Variants in YBEY observed in about 807,000 individuals in gnomAD.
YBEY encodes endoribonuclease YbeY.
In YBEY, 15 loss-of-function variants were observed where a neutral mutation model predicts 13.5. The ratio of observed to expected loss-of-function variants is 1.11; its 90% CI spans 0.75 to 1.72. YBEY has a LOEUF of 1.72. YBEY is among the 40% of genes most tolerant of loss of function. YBEY has a pLI of 0.00. For missense variants in YBEY, 244 were observed against 208.4 expected (o/e 1.17, Z -1.05); for synonymous variants, 101 against 83.1 (o/e 1.21, Z -1.17).
At chr21:46,295,345 G>A (rs1015874587) in intron 3 of YBEY, among the ~76,000 whole-genome samples, 16 of 151,448 alleles carry the variant, frequency 1.1e-4, no homozygotes, top group African/African-American at 3.2e-4. Flanking sequence ...GGCACCTCCC[G>A]CCAGCCCCAA....
chr21:46,287,497 G>A (rs1257333356), intron 2 of YBEY, among the ~76,000 whole-genome samples: 4 of 152,064 alleles, frequency 2.6e-5, no homozygotes, highest in Non-Finnish European at 4.4e-5. Flanking sequence ...CAGAGCACCC[G>A]GCCTAAATTT....
the YBEY span, among the ~76,000 whole-genome samples, chr21:46,310,810 TC>T: frequency 3.9e-5 from 6 of 151,914 alleles, no homozygotes; most frequent in Non-Finnish European, 8.8e-5. Flanking sequence ...ACACTCTCTC[TC>T]TCTCTCTCTA....
chr21:46,307,311 G>A, the YBEY span, among the ~76,000 whole-genome samples: 9 of 152,142 alleles, frequency 5.9e-5, no homozygotes, highest in Admixed American at 5.3e-4. Context: ...TGTGCTGGCC[G>A]TTAACCACTG....
At chr21:46,306,396 G>A in the YBEY span, among the ~76,000 whole-genome samples, 1 of 152,096 alleles carries the variant, frequency 6.6e-6, no homozygotes, top group East Asian at 1.9e-4. Flanking sequence ...CTACTTGGGA[G>A]GCTGAGGTAG....
chr21:46,300,724 A>G (rs1472430911), downstream of YBEY: 4 of 1,287,256 alleles, frequency 3.1e-6, no homozygotes, highest in East Asian at 1.7e-4. Flanking sequence ...CCTACCTGCA[A>G]ACTTTCAAAG....
At chr21:46,306,792 T>C in the YBEY span, among the ~76,000 whole-genome samples, 1 of 152,172 alleles carries the variant, frequency 6.6e-6, no homozygotes, top group African/African-American at 2.4e-5. Flanking sequence ...TTCCCCATGT[T>C]GCCCAGGCTG....
intron 1 of YBEY, 145 bp from the exon 2 acceptor site, chr21:46,286,725 C>T (rs1250287219): frequency 3.4e-6 from 2 of 585,062 alleles, no homozygotes. Flanking sequence ...CTCGTTGTTG[C>T]TTCCTCCTTG....
chr21:46,288,899 C>G (rs1043218564), intron 2 of YBEY, among the ~76,000 whole-genome samples: 3 of 152,064 alleles, frequency 2.0e-5, no homozygotes, highest in African/African-American at 7.2e-5. Flanking sequence ...GTGTGCAGAG[C>G]TGTCGTCCCA....
At chr21:46,296,063 C>A in intron 3 of YBEY, 99 bp from the exon 4 acceptor site, 1 of 1,316,448 alleles carries the variant, frequency 7.6e-7, no homozygotes, top group Non-Finnish European at 1.1e-6. Context: ...TGGGGTCCTG[C>A]AGCCACATAC....
downstream of YBEY, chr21:46,302,683 C>T: frequency 1.1e-6 from 1 of 892,162 alleles, no homozygotes; most frequent in Non-Finnish European, 1.8e-6. Flanking sequence ...GTACACTGTG[C>T]AGGTCCCCGG....
the YBEY span, among the ~76,000 whole-genome samples, chr21:46,305,951 G>A: frequency 2.5e-4 from 38 of 150,386 alleles, no homozygotes; most frequent in African/African-American, 7.8e-4. Flanking sequence ...AAAAAAAAAA[G>A]AAAAGAATCT....
intron 2 of YBEY, among the ~76,000 whole-genome samples, chr21:46,288,054 C>T (rs1397603602): frequency 2.0e-5 from 3 of 152,050 alleles, no homozygotes; most frequent in Admixed American, 6.6e-5. Context: ...AGCGTCCACC[C>T]CCCTTCCCCT....
intron 2 of YBEY, among the ~76,000 whole-genome samples, chr21:46,289,899 G>A (rs527958506): frequency 6.7e-6 from 1 of 149,830 alleles, no homozygotes; most frequent in Admixed American, 6.7e-5. Flanking sequence ...CTGTGTGCGT[G>A]TAAGGTTGTC....
At chr21:46,299,960 G>T (rs532336104), downstream of YBEY, among the ~76,000 whole-genome samples, 249 of 152,226 alleles carry the variant, frequency 1.6e-3, 1 homozygote, top group African/African-American at 5.6e-3. Context: ...CCACCCTCAG[G>T]TGTGACCCCA....
chr21:46,307,717 A>G, the YBEY span, among the ~76,000 whole-genome samples: 2 of 152,170 alleles, frequency 1.3e-5, no homozygotes, highest in Admixed American at 1.3e-4. Context: ...AAGTCAGCAC[A>G]GGGGTTGGGA....
At chr21:46,291,859 C>T (rs2081726072) in intron 3 of YBEY, 5 of 1,046,304 alleles carry the variant, frequency 4.8e-6, no homozygotes, top group South Asian at 3.3e-5. Context: ...TTCTTCCTGC[C>T]CACTGCACAG....
chr21:46,302,100 C>A, downstream of YBEY: 1 of 1,532,018 alleles, frequency 6.5e-7, no homozygotes, highest in East Asian at 2.5e-5. Flanking sequence ...TGGTGCACGG[C>A]AGGCAGCCTT....
chr21:46,298,948 C>G (rs1357464098), downstream of YBEY, among the ~76,000 whole-genome samples: 1 of 151,850 alleles, frequency 6.6e-6, no homozygotes, highest in Admixed American at 6.6e-5. Flanking sequence ...GCTTGAACTC[C>G]TGACCTCAAG....
intron 3 of YBEY, among the ~76,000 whole-genome samples, chr21:46,294,584 G>A (rs1458846715): frequency 2.7e-5 from 2 of 74,808 alleles, no homozygotes; most frequent in African/African-American, 5.8e-5. Context: ...AATTCCTCCC[G>A]CGGTTAGCCT....
Sources: gnomAD v4.1 joint callset for allele counts (sites outside exome capture counted in the v4.1 genomes callset) on GRCh38, gnomAD v4.1.1 for gene constraint, MANE v1.5 for transcripts, NCBI Gene and HGNC (gene_info 2026-07-23, HGNC 2026-07-21) for gene names.